SLIT1: variants seen among roughly 807,000 people sequenced by gnomAD.
SLIT1 encodes slit guidance ligand 1, also known as slit homolog 1 protein.
A neutral mutation model predicts 186.1 loss-of-function variants in SLIT1; 66 were observed. The ratio of observed to expected loss-of-function variants is 0.35; its 90% confidence interval spans 0.29 to 0.44. The LOEUF (loss-of-function observed/expected upper bound fraction) is 0.44. Ranked by LOEUF, SLIT1 falls within the 20% of genes least tolerant of loss-of-function variation. The probability of loss-of-function intolerance (pLI) is 1.00; values close to 1 mark genes in which losing one functional copy is unlikely to be tolerated. For missense variants in SLIT1, 1,638 were observed against 2,037.4 expected, an observed-to-expected ratio of 0.80 and a Z score of 3.77; for synonymous variants, 761 against 833.8, an observed-to-expected ratio of 0.91 and a Z score of 1.50.
At chr10:97,163,895 G>A (rs1850066355) in intron 2 of SLIT1, among the ~76,000 whole-genome samples, 1 of 152,230 alleles carries the variant, frequency 6.6e-6, no homozygotes, top group Non-Finnish European at 1.5e-5. Context: ...GACAGAACGG[G>A]GGGACCGGCC....
chr10:97,022,418 G>T lies in SLIT1; in HGVS notation c.2583-1005C>A, dbSNP rs1021677818. 6.6e-6 allele frequency among the ~76,000 whole-genome samples: 1 copy of T among 152,214 alleles called. No homozygotes were observed. Among genetic ancestry groups the T allele is most frequent in the African/African-American group, 2.4e-5 (1 of 41,454 alleles). The stretch of plus-strand genomic sequence containing the variant: ...ACTGTGAATGATTAAATGCCACCGA[G>T]TTGCACACTTTTTAAAAAATGCTTA... On this transcript the variant is annotated intron_variant, in intron 25 of 36. Coordinates refer to ENST00000266058, the MANE Select transcript of SLIT1 (RefSeq NM_003061.3). This position sits in a 1 kb window ranked among gnomAD's most constrained non-coding sequence, Gnocchi z 4.2.
At chr10:97,050,569 G>T (rs1406486798) in intron 13 of SLIT1, among the ~76,000 whole-genome samples, 1 of 152,114 alleles carries the variant, frequency 6.6e-6, no homozygotes, top group South Asian at 2.1e-4. Flanking sequence ...TAAACTTTCA[G>T]TTTGCACAGA....
At chr10:97,100,739 C>G (rs989560932) in intron 4 of SLIT1, among the ~76,000 whole-genome samples, 1 of 152,174 alleles carries the variant, frequency 6.6e-6, no homozygotes, top group African/African-American at 2.4e-5. Context: ...CATCACACAT[C>G]GGCAATTTTA....
intron 18 of SLIT1, among the ~76,000 whole-genome samples, chr10:97,044,391 C>A (rs1358532909): frequency 6.6e-6 from 1 of 152,006 alleles, no homozygotes; most frequent in Non-Finnish European, 1.5e-5. Context: ...AGAGTGAGAC[C>A]CTGTCTCCCT....
In SLIT1 at chr10:97,043,121, C is replaced by A. The variant is rs1589372398; in HGVS notation, c.1998-54G>T. On this transcript the variant is annotated intron_variant, in intron 19 of 36. Transcript: ENST00000266058. This position sits in a 1 kb window ranked among gnomAD's most constrained non-coding sequence, Gnocchi z 7.0. ...AGACACTCTGCCCCTCTCAGAGGTC[C>A]CAGCAAACCCCTCCTGTACCACGGA... 6.4e-7 allele frequency: 1 copy of A among 1,569,786 alleles called. No homozygotes were observed.
In SLIT1 at chr10:97,056,336, C is replaced by T. The variant is rs780695832; in HGVS notation, c.1286G>A (p.Arg429Gln). Residue 429 changes from arginine (R) to glutamine (Q), a missense_variant, in exon 13 of 37, where the codon CGG (arginine) becomes CAG (glutamine). Arg to Gln is a conservative substitution (Grantham distance 43). This residue lies in a region of SLIT1 where 1,245 missense variants were observed against 1,535.3 expected (regional missense o/e 0.81). Transcript: ENST00000266058. ...GGGCACTCACAGAGTCTGGATGGCC[C>T]GCAGGGAGGTGAAAGTGCCCTTGGC... ...SLAKGTFTSL[R>Q]AIQTLHLAQN... 29 of 1,613,990 alleles carry T rather than the reference C, an allele frequency of 1.8e-5. No homozygotes were observed. The highest frequency in any genetic ancestry group is 1.8e-4 in the South Asian group (16 of 91,076).
At chr10:97,131,469 G>A (rs1183256251) in intron 4 of SLIT1, among the ~76,000 whole-genome samples, 1 of 152,238 alleles carries the variant, frequency 6.6e-6, no homozygotes. Flanking sequence ...CCATGCCTCT[G>A]CCAGCCATGC....
chr10:97,166,623 G>GAGAAAAGAAAAGAAAAGAAA lies in SLIT1; in HGVS notation c.198-1753_198-1734dup, dbSNP rs5787222. 2.6e-3 allele frequency among the ~76,000 whole-genome samples: 110 copies of GAGAAAAGAAAAGAAAAGAAA among 42,630 alleles called. 3 individuals are homozygous for GAGAAAAGAAAAGAAAAGAAA. Among genetic ancestry groups the GAGAAAAGAAAAGAAAAGAAA allele is most frequent in the East Asian group, 0.014 (23 of 1,702 alleles). The allele number at this position is 42,630 out of a possible 152,430, so 28.0% of individuals were successfully genotyped here. A position where few individuals can be genotyped will look rare whatever the true frequency, so the allele number is the denominator to read the frequency against. On this transcript the variant is annotated intron_variant, in intron 1 of 36. Transcript: ENST00000266058. ...AGAAAGAAAGAAAGAAAGAAAGAAA[G>GAGAAAAGAAAAGAAAAGAAA]AGAAAAGAAAAGAAAAGAAAGGAAA...
chr10:97,132,265 G>T (rs1057093089), intron 4 of SLIT1, among the ~76,000 whole-genome samples: 1 of 152,156 alleles, frequency 6.6e-6, no homozygotes, highest in East Asian at 1.9e-4. Context: ...CCCCTCTGCA[G>T]GCTCAGGTAA....
Position 97,040,090 on chromosome 10 carries a change from G to A in SLIT1, c.2195C>T (p.Pro732Leu), listed in dbSNP as rs777157475. ...GCAGGCGCACTCCTGTGGGCACTGT[G>A]GGCGGGGCAGGCAGCCCCCCTCCTC... ...GQEEGGCLPR[P>L]QCPQECACLD... The change falls in exon 21 of 37, where the codon CCA (proline) becomes CTA (leucine). Residue 732 changes from proline (P) to leucine (L), a missense_variant. Transcript: ENST00000266058. The A allele has an allele frequency of 8.2e-6, 13 of 1,592,426 alleles. No individual in the cohort carries two copies. The South Asian group carries it at 1.3e-4, about 15-fold the overall frequency.
Position 97,182,320 on chromosome 10 carries a change from A to G in SLIT1, c.197+3158T>C, listed in dbSNP as rs567846002. 4.9e-4 allele frequency among the ~76,000 whole-genome samples: 75 copies of G among 152,352 alleles called. 1 individual carries two copies. In the South Asian group the frequency reaches 0.015, roughly 30 times the overall value. On this transcript the variant is annotated intron_variant, in intron 1 of 36. Transcript: ENST00000266058. ...GCTGGGCCTCGCAGGCTGCCGCAGA[A>G]ACTGCCCAAAGGACAAAAGGCAAAT...
chr10:97,165,035 C>A, intron 1 of SLIT1, 145 bp from the exon 2 acceptor site: 1 of 646,812 alleles, frequency 1.5e-6, no homozygotes, highest in Non-Finnish European at 2.8e-6. Context: ...GAGTCTGTGT[C>A]AAGACCCAAC....
At position 97,002,790 on chromosome 10, in the gene SLIT1, G is replaced by A; in HGVS notation, c.4068C>T (p.Ala1356=). ...YCLHGICQPN[A]TPGPMCHCEA... is the part of the protein sequence containing the mutation. ...CGCAGTGGCACATGGGCCCTGGGGTGGCATTGGGCTGGCAGATGCCATGCA... is the reference window on the plus strand; with the variant it reads ...CGCAGTGGCACATGGGCCCTGGGGTAGCATTGGGCTGGCAGATGCCATGCA... Residue 1356 remains alanine (A), a synonymous_variant, in exon 35 of 37, where the codon GCC becomes GCT. Transcript: ENST00000266058. 6.2e-7 allele frequency: 1 copy of A among 1,613,968 alleles called. No individual in the cohort carries two copies. The highest frequency in any genetic ancestry group is 8.5e-7 in the Non-Finnish European group (1 of 1,179,932).
At chr10:97,074,126 G>T (rs975214434) in intron 4 of SLIT1, among the ~76,000 whole-genome samples, 1 of 152,094 alleles carries the variant, frequency 6.6e-6, no homozygotes, top group South Asian at 2.1e-4. Context: ...CAGGTGCACC[G>T]AATGTGATGA....
At position 97,022,592 on chromosome 10, in the gene SLIT1, G is replaced by T. The variant is rs1463427556; in HGVS notation, c.2583-1179C>A. On this transcript the variant is annotated intron_variant, in intron 25 of 36. Transcript: ENST00000266058. The surrounding 1 kb of genome is among the most constrained non-coding windows in gnomAD (Gnocchi z 4.2). ...GCAATTGCCTTCTGATCCAGCCATT[G>T]TTTCTGGGCGTTTACCTGTAGGCAC... is the stretch of plus-strand genomic sequence containing the variant. 2.0e-5 allele frequency among the ~76,000 whole-genome samples: 3 copies of T among 152,192 alleles called. No homozygotes were observed. Among genetic ancestry groups the T allele is most frequent in the Non-Finnish European group, 4.4e-5 (3 of 68,040 alleles).
At chr10:97,077,293 G>T (rs1277581196) in intron 4 of SLIT1, among the ~76,000 whole-genome samples, 1 of 151,998 alleles carries the variant, frequency 6.6e-6, no homozygotes, top group African/African-American at 2.4e-5. Context: ...CACAGGACAG[G>T]ATAGATCCTG....
intron 4 of SLIT1, among the ~76,000 whole-genome samples, chr10:97,081,285 G>A (rs1322084854): frequency 6.6e-6 from 1 of 152,196 alleles, no homozygotes. Context: ...CAGAGGGGCT[G>A]TGAATCCAAG....
chr10:97,133,970 C>CTT (rs1849678262), intron 4 of SLIT1, among the ~76,000 whole-genome samples: 2 of 152,178 alleles, frequency 1.3e-5, no homozygotes, highest in Non-Finnish European at 2.9e-5. Flanking sequence ...TGTTTCTTTG[C>CTT]TATGACTGTG....
At chr10:97,083,902 G>C (rs539601094) in intron 4 of SLIT1, among the ~76,000 whole-genome samples, 26 of 152,236 alleles carry the variant, frequency 1.7e-4, no homozygotes, top group African/African-American at 6.0e-4. Context: ...GAGCAGCTTG[G>C]AGGGGGGATC....
Sources: allele counts gnomAD v4.1 joint callset (sites outside exome capture counted in the v4.1 genomes callset), GRCh38; gene constraint gnomAD v4.1.1; regional missense constraint gnomAD v4.1.1; non-coding constraint Gnocchi (gnomAD v3.1); transcripts MANE v1.5; gene names NCBI Gene and HGNC (gene_info 2026-07-23, HGNC 2026-07-21).